The following MCTP1 variants were observed in gnomAD, a reference collection of about 807,000 sequenced individuals.
MCTP1 encodes the protein multiple C2 and transmembrane domain containing 1.
In MCTP1, 69 loss-of-function variants were observed where a neutral mutation model predicts 120.6. The observed-to-expected ratio is 0.57, with a 90% CI of 0.47 to 0.70. The LOEUF is 0.70. MCTP1 is among the 30% of genes least tolerant of loss of function. The probability of loss-of-function intolerance (pLI) is 0.00; values close to 1 mark genes in which losing one functional copy is unlikely to be tolerated. For missense variants in MCTP1, 1,203 were observed against 1,248.8 expected, an observed-to-expected ratio of 0.96 and a Z score of 0.55; for synonymous variants, 529 against 493.1, an observed-to-expected ratio of 1.07 and a Z score of -0.96.
At chr5:95,230,740 T>C (rs1478844713) in intron 1 of MCTP1, among the ~76,000 whole-genome samples, 3 of 152,216 alleles carry the variant, frequency 2.0e-5, no homozygotes, top group Admixed American at 2.0e-4. Context: ...TTAATCGGTA[T>C]ATCCACAAGA....
intron 2 of MCTP1, among the ~76,000 whole-genome samples, chr5:95,007,512 ACTCT>A (rs1220712098): frequency 6.6e-6 from 1 of 152,088 alleles, no homozygotes; most frequent in African/African-American, 2.4e-5. Context: ...TCAGAGAATA[ACTCT>A]CTCTGAGCTT....
chr5:95,053,560 A>G (rs990112059), intron 1 of MCTP1, among the ~76,000 whole-genome samples: 1 of 152,164 alleles, frequency 6.6e-6, no homozygotes, highest in South Asian at 2.1e-4. Context: ...CAGGCTATTG[A>G]CAGACCGCAA....
chr5:95,076,708 T>C (rs962819909), intron 1 of MCTP1, among the ~76,000 whole-genome samples: 16 of 152,190 alleles, frequency 1.1e-4, no homozygotes, highest in Non-Finnish European at 2.1e-4. Context: ...ACACAACGCA[T>C]CTGTACATAA....
intron 17 of MCTP1, chr5:94,826,575 T>A: frequency 2.7e-6 from 2 of 742,090 alleles, no homozygotes; most frequent in African/African-American, 1.7e-5. Flanking sequence ...TTTCAAAGCA[T>A]CTTTTGGGCA....
intron 1 of MCTP1, among the ~76,000 whole-genome samples, chr5:95,043,107 C>T (rs1050951887): frequency 3.3e-5 from 5 of 152,122 alleles, no homozygotes; most frequent in Admixed American, 6.6e-5. Flanking sequence ...TACATTCCTA[C>T]GGACAGTGAG....
At chr5:95,122,046 A>G (rs1410385787) in intron 1 of MCTP1, among the ~76,000 whole-genome samples, 2 of 152,092 alleles carry the variant, frequency 1.3e-5, no homozygotes, top group African/African-American at 4.8e-5. Flanking sequence ...TGAAATTACT[A>G]AAAGAAAACA....
intron 10 of MCTP1, 115 bp downstream of exon 10, chr5:94,909,136 G>A (rs1807754840): frequency 8.0e-7 from 1 of 1,255,786 alleles, no homozygotes; most frequent in Non-Finnish European, 1.1e-6. Flanking sequence ...CCTTACCATG[G>A]TAAAGTCCCT....
intron 1 of MCTP1, among the ~76,000 whole-genome samples, chr5:95,097,763 T>A (rs1362958999): frequency 6.6e-6 from 1 of 152,052 alleles, no homozygotes; most frequent in Non-Finnish European, 1.5e-5. Context: ...GTATTTTGGG[T>A]AAAGGTGATC....
At chr5:95,031,532 A>C (rs1442088415) in intron 1 of MCTP1, among the ~76,000 whole-genome samples, 1 of 152,180 alleles carries the variant, frequency 6.6e-6, no homozygotes, top group Non-Finnish European at 1.5e-5. Context: ...GTCCTCCTAA[A>C]AAAATTAAGT....
intron 11 of MCTP1, among the ~76,000 whole-genome samples, chr5:94,889,832 T>TA (rs1237159049): frequency 3.3e-5 from 5 of 150,280 alleles, no homozygotes; most frequent in Admixed American, 2.0e-4. Flanking sequence ...TCTGAAAGAA[T>TA]AAAAAAAACA....
intron 2 of MCTP1, among the ~76,000 whole-genome samples, chr5:94,957,832 C>A (rs956738618): frequency 3.3e-5 from 5 of 152,208 alleles, no homozygotes; most frequent in Non-Finnish European, 7.3e-5. Context: ...GAGACTTTAA[C>A]ACCCCACTGT....
At chr5:95,116,992 C>T (rs184932204) in intron 1 of MCTP1, among the ~76,000 whole-genome samples, 1 of 152,222 alleles carries the variant, frequency 6.6e-6, no homozygotes, top group Admixed American at 6.5e-5. Context: ...ATCTGTCCGT[C>T]TGACAAATGT....
At chr5:95,246,787 A>G (rs145876153) in intron 1 of MCTP1, among the ~76,000 whole-genome samples, 88 of 152,200 alleles carry the variant, frequency 5.8e-4, no homozygotes, top group African/African-American at 1.8e-3. Flanking sequence ...GCTGGATTCA[A>G]TTTGCCAGTA....
At position 94,917,973 on chromosome 5, in the gene MCTP1, T is replaced by C. The variant is rs1810544662; in HGVS notation, c.1273A>G (p.Thr425Ala). 7 of 1,613,656 alleles carry C rather than the reference T, an allele frequency of 4.3e-6. No individual in the cohort carries two copies. The highest frequency in any genetic ancestry group is 5.9e-6 in the Non-Finnish European group (7 of 1,179,576). The part of the protein sequence containing the change: ...YFSVKSLFWR[T>A]CGRPALPVLG... ...ACAGGAAGAGCTGGCCTGCCGCACGTCTGGATGGAAATGAATGATCAGAGC... is the reference window on the plus strand; with the variant it reads ...ACAGGAAGAGCTGGCCTGCCGCACGCCTGGATGGAAATGAATGATCAGAGC... The change falls in exon 8 of 23, where the codon ACG becomes GCG. Residue 425 changes from threonine to alanine, a missense_variant and splice_region_variant. Physicochemically the swap from Thr to Ala is moderately conservative, Grantham distance 58 (BLOSUM62 0). Coordinates refer to ENST00000515393, the MANE Select transcript of MCTP1 (RefSeq NM_024717.7).
At chr5:94,767,672 A>G (rs1773103972) in intron 19 of MCTP1, among the ~76,000 whole-genome samples, 1 of 152,164 alleles carries the variant, frequency 6.6e-6, no homozygotes, top group South Asian at 2.1e-4. Context: ...ACTAGCTACA[A>G]AAAAATAAAA....
intron 2 of MCTP1, among the ~76,000 whole-genome samples, chr5:94,961,862 C>T (rs1198820533): frequency 6.6e-6 from 1 of 152,132 alleles, no homozygotes; most frequent in Non-Finnish European, 1.5e-5. Flanking sequence ...TGAGACTTGT[C>T]TATTCACCTC....
chr5:94,757,949 G>A (rs1004436326), intron 19 of MCTP1, among the ~76,000 whole-genome samples: 1 of 152,146 alleles, frequency 6.6e-6, no homozygotes, highest in Non-Finnish European at 1.5e-5. Flanking sequence ...TGGGAAACAG[G>A]CACTGCCAAG....
chr5:94,938,325 A>G (rs1816705928), intron 5 of MCTP1, among the ~76,000 whole-genome samples: 1 of 151,990 alleles, frequency 6.6e-6, no homozygotes, highest in Non-Finnish European at 1.5e-5. Flanking sequence ...CAGTGTTGTT[A>G]TGCACTCTGA....
chr5:95,168,852 A>T (rs970142959), intron 1 of MCTP1, among the ~76,000 whole-genome samples: 8 of 152,158 alleles, frequency 5.3e-5, no homozygotes, highest in African/African-American at 1.9e-4. Context: ...AACAGGGACA[A>T]TTTGACTTCC....
Sources: gnomAD v4.1 joint callset for allele counts (sites outside exome capture counted in the v4.1 genomes callset) on GRCh38, gnomAD v4.1.1 for gene constraint, MANE v1.5 for transcripts, NCBI Gene and HGNC (gene_info 2026-07-23, HGNC 2026-07-21) for gene names.